The following ZNF544 variants were observed in gnomAD, a reference collection of about 807,000 sequenced individuals.
ZNF544 encodes the protein zinc finger protein AF020591.
A neutral mutation model predicts 13.5 loss-of-function variants in ZNF544; 10 were observed. The observed-to-expected ratio is 0.74, with a 90% CI of 0.46 to 1.25. The LOEUF (loss-of-function observed/expected upper bound fraction) is 1.25, where lower values mean the gene tolerates loss of function less well. Among genes scored for constraint, ZNF544 ranks in the 50% most tolerant of loss-of-function variants. ZNF544 has a pLI of 0.00. For synonymous variants in ZNF544, 323 were observed against 300.5 expected (o/e 1.07, Z -0.77); for missense variants, 896 against 845.6 (o/e 1.06, Z -0.74).
chr19:58,272,023 G>A (rs562006167), intron 5 of ZNF544, among the ~76,000 whole-genome samples: 12 of 152,194 alleles, frequency 7.9e-5, no homozygotes, highest in Admixed American at 2.6e-4. Flanking sequence ...TTATCTGGGC[G>A]TGGTGGTGGG....
intron 3 of ZNF544, among the ~76,000 whole-genome samples, chr19:58,236,819 G>A (rs2042501428): frequency 6.6e-6 from 1 of 150,498 alleles, no homozygotes; most frequent in Non-Finnish European, 1.5e-5. Context: ...TCAGCTCACT[G>A]CAACCTCCAT....
At chr19:58,255,990 C>T (rs1380804348) in intron 6 of ZNF544, among the ~76,000 whole-genome samples, 1 of 152,196 alleles carries the variant, frequency 6.6e-6, no homozygotes, top group Non-Finnish European at 1.5e-5. Context: ...GGTCCTTCAC[C>T]CGAACTGGGT....
At chr19:58,230,804 G>A (rs1470507536) in intron 3 of ZNF544, among the ~76,000 whole-genome samples, 1 of 152,090 alleles carries the variant, frequency 6.6e-6, no homozygotes, top group African/African-American at 2.4e-5. Flanking sequence ...ACTGGGATAT[G>A]GATTCATCTT....
intron 4 of ZNF544, among the ~76,000 whole-genome samples, chr19:58,245,363 G>A (rs1237283519): frequency 4.7e-5 from 7 of 149,322 alleles, no homozygotes; most frequent in East Asian, 2.0e-4. Flanking sequence ...GTACAATGGC[G>A]CGATCTCAGC....
intron 6 of ZNF544, chr19:58,258,419 G>A (rs1292419205): frequency 1.6e-5 from 1 of 61,732 alleles, no homozygotes; most frequent in Non-Finnish European, 3.6e-5. Context: ...GTGTGAGGGT[G>A]CTGGTTGCGA....
chr19:58,272,053 T>C (rs572426457), intron 5 of ZNF544, among the ~76,000 whole-genome samples: 9 of 151,910 alleles, frequency 5.9e-5, no homozygotes, highest in South Asian at 2.1e-4. Flanking sequence ...TGCCAGCTAC[T>C]TGGGAGGCTG....
chr19:58,270,518 T>C (rs2050505048), intron 5 of ZNF544, among the ~76,000 whole-genome samples: 1 of 152,126 alleles, frequency 6.6e-6, no homozygotes, highest in Admixed American at 6.6e-5. Flanking sequence ...GTCAGGATGG[T>C]CTCCAACTCC....
Position 58,263,492 on chromosome 19 carries a change from C to G in ZNF544, c.*738C>G, listed in dbSNP as rs1170264152. ...TAACCAAGATGGGAAATTTCCCTGCCAGACCTTGTTTACTAGAAATCAGGT... is the reference window on the plus strand; with the variant it reads ...TAACCAAGATGGGAAATTTCCCTGCGAGACCTTGTTTACTAGAAATCAGGT... On this transcript the variant is annotated 3_prime_UTR_variant, in exon 7 of 7. Transcript: ENST00000687789. 1.0e-5 allele frequency: 10 copies of G among 985,280 alleles called. No homozygotes were observed. Among genetic ancestry groups the G allele is most frequent in the Non-Finnish European group, 1.2e-5 (10 of 829,958 alleles). The allele number at this position is 985,280 out of a possible 1,614,324, so 61.0% of individuals were successfully genotyped here.
intron 4 of ZNF544, 61 bp from the exon 5 acceptor site, chr19:58,246,240 G>T: frequency 6.2e-7 from 1 of 1,609,916 alleles, no homozygotes. Flanking sequence ...GCCTTAACAG[G>T]TACCTCCGTG....
chr19:58,234,385 C>T (rs555365826), intron 3 of ZNF544, among the ~76,000 whole-genome samples: 105 of 152,348 alleles, frequency 6.9e-4, no homozygotes, highest in African/African-American at 2.4e-3. Context: ...GACTGCACTT[C>T]ATTGTTGTTG....
chr19:58,271,195 G>C (rs536078870), intron 5 of ZNF544, among the ~76,000 whole-genome samples: 1 of 145,806 alleles, frequency 6.9e-6, no homozygotes, highest in Non-Finnish European at 1.5e-5. Flanking sequence ...CTGGGCAACA[G>C]AGTCAGACTC....
In ZNF544 at chr19:58,248,547, A is replaced by G. The variant is rs563795419; in HGVS notation, c.244+1753A>G. Among the ~76,000 whole-genome samples the G allele has an allele frequency of 3.9e-5, 6 of 152,124 alleles. No homozygotes were observed. In the South Asian group the frequency reaches 1.2e-3, roughly 32 times the overall value. Reference sequence around the variant, plus strand: ...TGCACCTGGCCAGGCTTCACTCCTGATGTTGTATATTCTGTGCATTTGGAC... The same window carrying G: ...TGCACCTGGCCAGGCTTCACTCCTGGTGTTGTATATTCTGTGCATTTGGAC... On this transcript the variant is annotated intron_variant, in intron 6 of 6. Transcript: ENST00000687789.
intron 6 of ZNF544, among the ~76,000 whole-genome samples, chr19:58,276,878 C>T (rs759078409): frequency 2.6e-5 from 4 of 152,168 alleles, no homozygotes; most frequent in East Asian, 1.9e-4. Flanking sequence ...AGAGCTCCCA[C>T]GGGGCAAATG....
intron 3 of ZNF544, among the ~76,000 whole-genome samples, chr19:58,236,908 A>C (rs260482): frequency 0.17 from 25,710 of 150,680 alleles, 2,581 homozygotes; most frequent in East Asian, 0.35. Flanking sequence ...TGCCCAGCTA[A>C]TTTTTTGTAT....
intron 5 of ZNF544, among the ~76,000 whole-genome samples, chr19:58,269,121 A>G (rs1304623806): frequency 6.6e-6 from 1 of 152,206 alleles, no homozygotes; most frequent in East Asian, 1.9e-4. Flanking sequence ...ATCGTGGAAA[A>G]CTGAGAACAC....
chr19:58,257,471 A>C (rs1176467524), intron 6 of ZNF544: 1 of 152,204 alleles, frequency 6.6e-6, no homozygotes, highest in Non-Finnish European at 1.5e-5. Context: ...AAGGTGACCA[A>C]GCAGAGGCTG....
At chr19:58,269,610 C>CAA (rs66778347) in intron 5 of ZNF544, among the ~76,000 whole-genome samples, 10 of 102,544 alleles carry the variant, frequency 9.8e-5, no homozygotes, top group African/African-American at 2.7e-4. Flanking sequence ...GACTCTGTCT[C>CAA]AAAAAAAAAA....
intron 6 of ZNF544, among the ~76,000 whole-genome samples, chr19:58,256,420 G>T (rs1362919940): frequency 6.6e-6 from 1 of 152,080 alleles, no homozygotes; most frequent in Non-Finnish European, 1.5e-5. Flanking sequence ...CTCGAGGAAG[G>T]GGCTTGATTA....
Position 58,262,572 on chromosome 19 carries a change from G to A in ZNF544, c.1966G>A (p.Gly656Ser), listed in dbSNP as rs146384508. The A allele has an allele frequency of 6.2e-7, 1 of 1,614,152 alleles. No homozygotes were observed. ...TGTGATGCATCAGAGAACTCACACTGGTGAGAAACCTTTTGAGTGTAGTCA... is the reference window on the plus strand; with the variant it reads ...TGTGATGCATCAGAGAACTCACACTAGTGAGAAACCTTTTGAGTGTAGTCA... ...YLVMHQRTHT[G>S]EKPFECSQCG... is the part of the protein sequence containing the mutation. The change falls in exon 7 of 7, where the codon GGT becomes AGT. Residue 656 changes from glycine (G) to serine (S), a missense_variant. Physicochemically the swap from Gly to Ser is moderately conservative, Grantham distance 56. Transcript: ENST00000687789.
Sources: allele counts gnomAD v4.1 joint callset (sites outside exome capture counted in the v4.1 genomes callset), GRCh38; gene constraint gnomAD v4.1.1; transcripts MANE v1.5; gene names NCBI Gene and HGNC (gene_info 2026-07-23, HGNC 2026-07-21).